PRKN: variants seen among roughly 807,000 people sequenced by gnomAD.
PRKN encodes E3 ubiquitin-protein ligase parkin.
Under a neutral mutation model 59.5 loss-of-function variants are expected in PRKN, and 56 were observed. The observed-to-expected ratio is 0.94, with a 90% CI of 0.76 to 1.18. The LOEUF (loss-of-function observed/expected upper bound fraction) is 1.18. PRKN is among the 50% of genes most tolerant of loss of function. The probability of loss-of-function intolerance (pLI) is 0.00; values close to 1 mark genes in which losing one functional copy is unlikely to be tolerated. For synonymous variants in PRKN, 250 were observed against 222.1 expected (o/e 1.13, Z -1.12); for missense variants, 657 against 596.4 (o/e 1.10, Z -1.06).
chr6:162,115,308 A>T (rs1780618446), intron 4 of PRKN, among the ~76,000 whole-genome samples: 1 of 149,820 alleles, frequency 6.7e-6, no homozygotes, highest in South Asian at 2.1e-4. Flanking sequence ...GAACACATGG[A>T]CACAGGAAGG....
chr6:162,407,360 AGAG>A (rs1788123220), intron 2 of PRKN, among the ~76,000 whole-genome samples: 1 of 152,218 alleles, frequency 6.6e-6, no homozygotes, highest in Admixed American at 6.5e-5. Context: ...CGTTGTACAA[AGAG>A]GCTTTATTCA....
chr6:162,246,328 G>A (rs775969754), intron 3 of PRKN, among the ~76,000 whole-genome samples: 4 of 152,010 alleles, frequency 2.6e-5, no homozygotes, highest in Admixed American at 1.3e-4. Flanking sequence ...CGGAGAAGAC[G>A]GCCATCTGTA....
chr6:162,217,271 G>T (rs868833049), intron 3 of PRKN, among the ~76,000 whole-genome samples: 7 of 152,252 alleles, frequency 4.6e-5, no homozygotes, highest in Admixed American at 6.5e-5. Flanking sequence ...GCCTCTGTGT[G>T]GGGGTAGGAA....
Position 161,434,256 on chromosome 6 carries a change from TGGAAG to T in PRKN, c.1084-47384_1084-47380del, listed in dbSNP as rs386707944. Among the ~76,000 whole-genome samples the T allele has an allele frequency of 9.7e-4, 147 of 152,314 alleles. 1 individual carries two copies. Among genetic ancestry groups the T allele is most frequent in the African/African-American group, 3.4e-3 (141 of 41,560 alleles). On this transcript the variant is annotated intron_variant, in intron 9 of 11. Transcript: ENST00000366898. Reference sequence around the variant, plus strand: ...TCAAGAGATTTTGCCAGTATGCTCTTGGAAGAGTTCAACATTGCCATAGATCATAG... The same window carrying T: ...TCAAGAGATTTTGCCAGTATGCTCTTAGTTCAACATTGCCATAGATCATAG...
rs569451936 is a variant in PRKN, at chr6:161,488,458, A to G, written c.1083+60396T>C. Among the ~76,000 whole-genome samples, 1 of 152,344 alleles carries G rather than the reference A, an allele frequency of 6.6e-6. No homozygotes were observed. Among genetic ancestry groups the G allele is most frequent in the East Asian group, 1.9e-4 (1 of 5,190 alleles). On this transcript the variant is annotated intron_variant, in intron 9 of 11. Coordinates refer to ENST00000366898, the MANE Select transcript of PRKN (RefSeq NM_004562.3). The surrounding 1 kb of genome is among the most constrained non-coding windows in gnomAD (Gnocchi z 4.5). ...TTCACAGAGGAGCAGAGAAGATAAC[A>G]GAGACCGAGAAGGACATCTGAATTT...
intron 4 of PRKN, among the ~76,000 whole-genome samples, chr6:162,066,322 T>A (rs1778334265): frequency 6.6e-6 from 1 of 152,196 alleles, no homozygotes; most frequent in South Asian, 2.1e-4. Context: ...CACAAATCCT[T>A]AAAAGGCCAT....
At chr6:162,310,760 T>TA (rs67313116) in intron 2 of PRKN, among the ~76,000 whole-genome samples, 91,632 of 142,876 alleles carry the variant, frequency 0.64, 28,544 homozygotes, top group East Asian at 0.77. Flanking sequence ...TATATATATA[T>TA]AAAAAAAAGC....
intron 7 of PRKN, among the ~76,000 whole-genome samples, chr6:161,692,078 C>G (rs1785819117): frequency 1.3e-5 from 2 of 152,110 alleles, no homozygotes; most frequent in Admixed American, 6.5e-5. Context: ...AGATTACACT[C>G]TATAAGGGAA....
chr6:162,022,942 A>G (rs1022145982), intron 5 of PRKN, among the ~76,000 whole-genome samples: 1 of 152,072 alleles, frequency 6.6e-6, no homozygotes, highest in African/African-American at 2.4e-5. Flanking sequence ...ATTTTTATCA[A>G]CTTACCAAAG....
Position 161,593,892 on chromosome 6 carries a change from C to G in PRKN, c.872-24476G>C, listed in dbSNP as rs1258609705. Among the ~76,000 whole-genome samples the G allele has an allele frequency of 6.6e-6, 1 of 151,978 alleles. No homozygotes were observed. The highest frequency in any genetic ancestry group is 1.5e-5 in the Non-Finnish European group (1 of 68,004). On this transcript the variant is annotated intron_variant, in intron 7 of 11. Transcript: ENST00000366898. The surrounding 1 kb of genome is among the most constrained non-coding windows in gnomAD (Gnocchi z 4.8). Reference sequence around the variant, plus strand: ...GGAGGCCGGGCGCAGTGGCTCATGCCTGTAATCCCAGCACTTTGGGAGGCT... The same window carrying G: ...GGAGGCCGGGCGCAGTGGCTCATGCGTGTAATCCCAGCACTTTGGGAGGCT...
intron 7 of PRKN, among the ~76,000 whole-genome samples, chr6:161,572,518 G>A (rs1780929228): frequency 6.6e-6 from 1 of 152,132 alleles, no homozygotes; most frequent in African/African-American, 2.4e-5. Context: ...AAATTAGTCA[G>A]ACATGGTGGC....
At chr6:161,918,911 C>T (rs912950979) in intron 6 of PRKN, among the ~76,000 whole-genome samples, 35 of 152,216 alleles carry the variant, frequency 2.3e-4, no homozygotes, top group Admixed American at 5.9e-4. Context: ...CCAACACCCC[C>T]GCTCCCCACC....
intron 4 of PRKN, among the ~76,000 whole-genome samples, chr6:162,162,151 T>C (rs1176315920): frequency 6.6e-6 from 1 of 152,108 alleles, no homozygotes; most frequent in Non-Finnish European, 1.5e-5. Context: ...GGTGCAATGT[T>C]AGCTCACAGC....
At chr6:162,269,003 A>AAAACAAAC (rs36125956) in intron 2 of PRKN, among the ~76,000 whole-genome samples, 2 of 151,592 alleles carry the variant, frequency 1.3e-5, no homozygotes, top group African/African-American at 4.9e-5. Flanking sequence ...GAAACAAAAC[A>AAAACAAAC]AAACAAACAA....
Position 161,536,014 on chromosome 6 carries a change from T to C in PRKN, c.1083+12840A>G, listed in dbSNP as rs143042019. ...GTGGACACAACCATATTATGGAATATAATAATCTGGAGGTGATTTTGTTTG... is the reference window on the plus strand; with the variant it reads ...GTGGACACAACCATATTATGGAATACAATAATCTGGAGGTGATTTTGTTTG... On this transcript the variant is annotated intron_variant, in intron 9 of 11. Transcript: ENST00000366898. 3.3e-5 allele frequency among the ~76,000 whole-genome samples: 5 copies of C among 152,128 alleles called. No individual in the cohort carries two copies. The East Asian group carries it at 9.7e-4, about 29-fold the overall frequency.
At chr6:162,303,942 G>T (rs1277909463) in intron 2 of PRKN, among the ~76,000 whole-genome samples, 1 of 151,758 alleles carries the variant, frequency 6.6e-6, no homozygotes, top group African/African-American at 2.4e-5. Context: ...GGAATTTTTT[G>T]TATAGATTTT....
intron 9 of PRKN, among the ~76,000 whole-genome samples, chr6:161,449,340 A>G (rs1209437220): frequency 6.6e-6 from 1 of 152,234 alleles, no homozygotes; most frequent in Admixed American, 6.5e-5. Context: ...AAACAAACAA[A>G]GAAACATAAA....
intron 4 of PRKN, among the ~76,000 whole-genome samples, chr6:162,113,402 C>T (rs566244534): frequency 5.3e-5 from 8 of 152,136 alleles, no homozygotes; most frequent in African/African-American, 1.9e-4. Flanking sequence ...TCCAGGATGC[C>T]ATTTATTAGA....
At chr6:162,188,726 T>C (rs1033443813) in intron 4 of PRKN, among the ~76,000 whole-genome samples, 9 of 151,938 alleles carry the variant, frequency 5.9e-5, no homozygotes, top group African/African-American at 2.2e-4. Flanking sequence ...TAAATCATTG[T>C]AGCTGCTTTA....
Sources: allele counts gnomAD v4.1 joint callset (sites outside exome capture counted in the v4.1 genomes callset), GRCh38; gene constraint gnomAD v4.1.1; non-coding constraint Gnocchi (gnomAD v3.1); transcripts MANE v1.5; gene names NCBI Gene and HGNC (gene_info 2026-07-23, HGNC 2026-07-21).